Variants in PLEKHG5 observed in about 807,000 individuals in gnomAD.
The protein encoded by PLEKHG5 is pleckstrin homology domain-containing family G member 5.
A neutral mutation model predicts 103.8 loss-of-function variants in PLEKHG5; 52 were observed. The observed-to-expected ratio is 0.50, with a 90% CI of 0.40 to 0.63. The LOEUF (loss-of-function observed/expected upper bound fraction) is 0.63. Ranked by LOEUF, PLEKHG5 falls within the 30% of genes least tolerant of loss-of-function variation. The pLI is 0.00. For missense variants in PLEKHG5, 1,205 were observed against 1,347.6 expected (o/e 0.89, Z 1.66); for synonymous variants, 592 against 575.5 (o/e 1.03, Z -0.41).
At position 6,475,503 on chromosome 1, in the gene PLEKHG5, G is replaced by C. The variant is rs1644740761; in HGVS notation, c.169C>G (p.Leu57Val). 2.5e-6 allele frequency: 4 copies of C among 1,613,446 alleles called. No individual in the cohort carries two copies. The highest frequency in any genetic ancestry group is 3.4e-6 in the Non-Finnish European group (4 of 1,179,936). Residue 57 changes from leucine to valine, a missense_variant, in exon 4 of 21, where the codon CTG becomes GTG. Physicochemically the swap from Leu to Val is conservative, Grantham distance 32. Transcript: ENST00000377728. ...CTTGCTTTCTTCTTGGAGAGTTTCA[G>C]GCCTGTGCTCTTCCGGTCCCTGCAG... The part of the protein sequence containing the change: ...DGKGDRKSTG[L>V]KLSKKKARRR...
intron 1 of PLEKHG5, among the ~76,000 whole-genome samples, chr1:6,512,801 A>C (rs10442705): frequency 0.51 from 78,293 of 152,094 alleles, 21,595 homozygotes; most frequent in Admixed American, 0.64. Flanking sequence ...TTCAAATCCC[A>C]GCTCCAGCTC....
chr1:6,492,841 C>A (rs1265766359), upstream of PLEKHG5, among the ~76,000 whole-genome samples: 2 of 152,108 alleles, frequency 1.3e-5, no homozygotes, highest in African/African-American at 2.4e-5. Context: ...GTCTCCATGA[C>A]ACACAGTCCA....
chr1:6,484,579 C>T (rs1007311328), intron 1 of PLEKHG5, among the ~76,000 whole-genome samples: 7 of 152,180 alleles, frequency 4.6e-5, no homozygotes, highest in African/African-American at 1.7e-4. Context: ...TCACGTCCCA[C>T]CCCCAAACCC....
intron 1 of PLEKHG5, chr1:6,485,551 G>T (rs1477639376): frequency 3.6e-6 from 4 of 1,111,236 alleles, no homozygotes; most frequent in South Asian, 4.3e-5. Flanking sequence ...GGGGACCCCG[G>T]GGAGGGCCGG....
Position 6,490,581 on chromosome 1 carries a change from G to A in PLEKHG5, c.-88+1056C>T. On this transcript the variant is annotated intron_variant, in intron 1 of 20. Transcript: ENST00000377728. The surrounding 1 kb of genome is among the most constrained non-coding windows in gnomAD (Gnocchi z 8.0). ...GGGCTCAGTCGACTCAGCGCAAACT[G>A]GGGCGCGGGACGTAGGGGAATTACG... is the stretch of plus-strand genomic sequence containing the variant. The A allele has an allele frequency of 2.0e-6, 2 of 985,442 alleles. No homozygotes were observed. The highest frequency in any genetic ancestry group is 2.4e-6 in the Non-Finnish European group (2 of 829,950). 61.0% of individuals were successfully genotyped at this position (985,442 alleles called of 1,614,324 possible). A position where few individuals can be genotyped will look rare whatever the true frequency, so the allele number is the denominator to read the frequency against.
chr1:6,519,837 T>C, exon 1 of PLEKHG5: 1 of 447,108 alleles, frequency 2.2e-6, no homozygotes, highest in East Asian at 4.5e-5. Flanking sequence ...GGATTTTCCA[T>C]TCCTGAGTGC....
At chr1:6,497,138 G>A, upstream of PLEKHG5, 1 of 1,091,572 alleles carries the variant, frequency 9.2e-7, no homozygotes, top group Non-Finnish European at 1.3e-6. This position sits in a 1 kb window ranked among gnomAD's most constrained non-coding sequence, Gnocchi z 6.1. Context: ...GGGGGAGGGA[G>A]GAGAAGCGGG....
At chr1:6,473,875 C>A in intron 7 of PLEKHG5, 138 bp downstream of exon 7, 1 of 871,524 alleles carries the variant, frequency 1.1e-6, no homozygotes, top group Non-Finnish European at 1.7e-6. Context: ...TCCCAGCCAA[C>A]CCCATTTTCC....
chr1:6,516,907 C>T (rs868074289), intron 1 of PLEKHG5, among the ~76,000 whole-genome samples: 21 of 104,008 alleles, frequency 2.0e-4, no homozygotes, highest in East Asian at 9.2e-4. Flanking sequence ...TATATATATA[C>T]ACACACACAC....
At chr1:6,497,127 G>A (rs1645238056), upstream of PLEKHG5, 5 of 1,200,942 alleles carry the variant, frequency 4.2e-6, no homozygotes, top group Middle Eastern at 1.9e-4. This position sits in a 1 kb window ranked among gnomAD's most constrained non-coding sequence, Gnocchi z 6.1. Context: ...AGCGAGAGGC[G>A]GGGGGAGGGA....
intron 1 of PLEKHG5, among the ~76,000 whole-genome samples, chr1:6,507,141 A>G (rs1019343207): frequency 2.0e-5 from 3 of 152,116 alleles, no homozygotes; most frequent in African/African-American, 7.2e-5. Flanking sequence ...TAGCAACTCA[A>G]AGCCTATGGC....
At chr1:6,473,684 C>T (rs916730585) in intron 7 of PLEKHG5, among the ~76,000 whole-genome samples, 2 of 152,162 alleles carry the variant, frequency 1.3e-5, no homozygotes, top group Non-Finnish European at 2.9e-5. Context: ...GCATGAAGCA[C>T]AGAGTTACAC....
intron 16 of PLEKHG5, 78 bp from the exon 17 acceptor site, chr1:6,469,754 G>A: frequency 1.4e-6 from 2 of 1,461,624 alleles, no homozygotes; most frequent in East Asian, 2.3e-5. Flanking sequence ...CCTCCCCTGG[G>A]AGCACTCGGT....
chr1:6,500,790 C>G (rs1360495397), upstream of PLEKHG5, among the ~76,000 whole-genome samples: 5 of 152,158 alleles, frequency 3.3e-5, no homozygotes, highest in Non-Finnish European at 7.3e-5. Context: ...ACTGCCTCCC[C>G]ACGTGCGCAA....
At chr1:6,500,549 C>T (rs1569985406), upstream of PLEKHG5, among the ~76,000 whole-genome samples, 2 of 151,178 alleles carry the variant, frequency 1.3e-5, no homozygotes, top group East Asian at 3.9e-4. Flanking sequence ...ACCTGGAACC[C>T]TGAACCTCCC....
rs1229172011 is a variant in PLEKHG5 at position 6,470,230 on chromosome 1, A to G, written c.1800+6T>C. The G allele has an allele frequency of 6.2e-7, 1 of 1,613,788 alleles. No homozygotes were observed. Among genetic ancestry groups the G allele is most frequent in the East Asian group, 2.2e-5 (1 of 44,878 alleles). On this transcript the variant is annotated splice_donor_region_variant and intron_variant, in intron 16 of 20. Coordinates refer to ENST00000377728, the MANE Select transcript of PLEKHG5 (RefSeq NM_020631.6). ...GGGCACAGGGGTGGGGTGGCCCTGG[A>G]ATCACCTTGCTGTCCTTCCCCTCCT... is the stretch of plus-strand genomic sequence containing the variant.
In PLEKHG5 at chr1:6,486,057, C is replaced by T; in HGVS notation, c.-88+5580G>A. 1.5e-5 allele frequency: 3 copies of T among 203,854 alleles called. No individual in the cohort carries two copies. The highest frequency in any genetic ancestry group is 2.6e-5 in the Non-Finnish European group (3 of 115,918). The allele number at this position is 203,854 out of a possible 1,614,324, so 12.6% of individuals were successfully genotyped here. On this transcript the variant is annotated intron_variant, in intron 1 of 20. Coordinates refer to ENST00000377728, the MANE Select transcript of PLEKHG5 (RefSeq NM_020631.6). The surrounding 1 kb of genome is among the most constrained non-coding windows in gnomAD (Gnocchi z 5.3). ...CCCAGCCCTGGGGGTGCCCACTCTG[C>T]TGTGGTCCCCACCTCACCCTCAGCG...
At chr1:6,506,606 G>A (rs1638330302) in intron 1 of PLEKHG5, among the ~76,000 whole-genome samples, 1 of 152,220 alleles carries the variant, frequency 6.6e-6, no homozygotes, top group Admixed American at 6.5e-5. Context: ...AGCCCCAGTG[G>A]AACCCTGCAG....
At chr1:6,478,914 G>C (rs2148600784) in intron 1 of PLEKHG5, among the ~76,000 whole-genome samples, 1 of 152,300 alleles carries the variant, frequency 6.6e-6, no homozygotes, top group East Asian at 1.9e-4. Flanking sequence ...AAAGTGCTGG[G>C]ATTACAGGCG....
Sources: allele counts gnomAD v4.1 joint callset (sites outside exome capture counted in the v4.1 genomes callset), GRCh38; gene constraint gnomAD v4.1.1; non-coding constraint Gnocchi (gnomAD v3.1); transcripts MANE v1.5; gene names NCBI Gene and HGNC (gene_info 2026-07-23, HGNC 2026-07-21).